MPPED1: variants seen among roughly 807,000 people sequenced by gnomAD.
MPPED1 encodes metallophosphoesterase domain-containing protein 1.
A neutral mutation model predicts 36.2 loss-of-function variants in MPPED1; 16 were observed. The ratio of observed to expected loss-of-function variants is 0.44; its 90% confidence interval spans 0.30 to 0.67. The LOEUF (loss-of-function observed/expected upper bound fraction) is 0.67. Among genes scored for constraint, MPPED1 ranks in the 30% least tolerant of loss-of-function variants. MPPED1 has a pLI of 0.10. For synonymous variants in MPPED1, 199 were observed against 191.3 expected, an observed-to-expected ratio of 1.04 and a Z score of -0.33; for missense variants, 307 against 453.4, an observed-to-expected ratio of 0.68 and a Z score of 2.93.
At chr22:43,453,174 T>G (rs1930634231) in intron 3 of MPPED1, among the ~76,000 whole-genome samples, 1 of 152,026 alleles carries the variant, frequency 6.6e-6, no homozygotes, top group Admixed American at 6.6e-5. Context: ...ATGGTCTCGA[T>G]CTCCTGACCT....
chr22:43,445,686 A>T (rs571049399), intron 3 of MPPED1, among the ~76,000 whole-genome samples: 17 of 141,472 alleles, frequency 1.2e-4, no homozygotes, highest in Non-Finnish European at 2.3e-4. Flanking sequence ...TTAGTCCCCC[A>T]CCTCACCCCG....
chr22:43,481,594 A>G (rs1348115832), intron 4 of MPPED1, among the ~76,000 whole-genome samples: 1 of 152,200 alleles, frequency 6.6e-6, no homozygotes, highest in Admixed American at 6.5e-5. Flanking sequence ...GTTAAAATCC[A>G]GGCCAGGTTT....
At chr22:43,488,917 C>T (rs1931999812) in intron 4 of MPPED1, among the ~76,000 whole-genome samples, 1 of 152,240 alleles carries the variant, frequency 6.6e-6, no homozygotes, top group African/African-American at 2.4e-5. Flanking sequence ...AGGTTGGGTC[C>T]AGGCACTGGG....
chr22:43,463,824 TTTCTTTCTTTCTTTC>T (rs1931050743), intron 3 of MPPED1, among the ~76,000 whole-genome samples: 1 of 104,472 alleles, frequency 9.6e-6, no homozygotes, highest in African/African-American at 3.4e-5. Context: ...TCTTTCTTTC[TTTCTTTCTTTCTTTC>T]TTTCTTTCTT....
At chr22:43,440,833 C>A (rs991855550) in intron 3 of MPPED1, among the ~76,000 whole-genome samples, 1 of 152,158 alleles carries the variant, frequency 6.6e-6, no homozygotes, top group East Asian at 1.9e-4. Flanking sequence ...CTCAGCTCTG[C>A]GGCGCCTGAT....
chr22:43,428,564 A>T (rs1929564478), intron 2 of MPPED1, among the ~76,000 whole-genome samples: 1 of 152,112 alleles, frequency 6.6e-6, no homozygotes, highest in African/African-American at 2.4e-5. Context: ...ACTTCCCGAC[A>T]TGTGATTTGT....
Position 43,502,796 on chromosome 22 carries a change from G to T in MPPED1, c.862+39G>T, listed in dbSNP as rs541825712. 19 of 1,539,824 alleles carry T rather than the reference G, an allele frequency of 1.2e-5. No individual in the cohort carries two copies. The African/African-American group carries it at 2.0e-4, about 17-fold the overall frequency. ...GGAGACAGGCACCTCACGGGCTAGG[G>T]GCTCCTAATGGACCCTCCAGCAGGA... On this transcript the variant is annotated intron_variant, in intron 6 of 6. Transcript: ENST00000443721. This position sits in a 1 kb window ranked among gnomAD's most constrained non-coding sequence, Gnocchi z 5.5.
intron 1 of MPPED1, among the ~76,000 whole-genome samples, chr22:43,421,094 G>A (rs898065299): frequency 1.3e-5 from 2 of 152,222 alleles, no homozygotes; most frequent in African/African-American, 4.8e-5. Context: ...TCCCTGCGGC[G>A]GGTCCCGGGG....
chr22:43,417,408 C>T (rs927599758), intron 1 of MPPED1, among the ~76,000 whole-genome samples: 5 of 149,766 alleles, frequency 3.3e-5, no homozygotes, highest in Non-Finnish European at 7.4e-5. Flanking sequence ...TTTTTTTCTC[C>T]CATTGGGGTA....
At chr22:43,503,054 T>C (rs1283435349) in intron 6 of MPPED1, among the ~76,000 whole-genome samples, 2 of 151,958 alleles carry the variant, frequency 1.3e-5, no homozygotes, top group Non-Finnish European at 2.9e-5. Flanking sequence ...GGCAGGGGGT[T>C]TTCAGAGGAA....
intron 5 of MPPED1, among the ~76,000 whole-genome samples, chr22:43,499,707 A>G (rs934230140): frequency 1.7e-3 from 90 of 52,858 alleles, no homozygotes; most frequent in Non-Finnish European, 2.4e-3. Flanking sequence ...GGAGGTGATG[A>G]TGGTGGTGGT....
At chr22:43,449,126 G>A (rs952558073) in intron 3 of MPPED1, among the ~76,000 whole-genome samples, 2 of 152,110 alleles carry the variant, frequency 1.3e-5, no homozygotes, top group African/African-American at 4.8e-5. Context: ...TACATCCTAC[G>A]TTTCATATTC....
Position 43,435,169 on chromosome 22 carries a change from T to C in MPPED1, c.360T>C (p.Thr120=). The change falls in exon 3 of 7, where the codon ACT becomes ACC. Residue 120 remains threonine, a synonymous_variant. Transcript: ENST00000443721. ...GDVLIHAGDF[T]ELGLPSEVKK... Reference sequence around the variant, plus strand: ...TGCTGATCCACGCTGGGGACTTCACTGAGCTGGGGCTCCCGAGCGAGGTGA... The same window carrying C: ...TGCTGATCCACGCTGGGGACTTCACCGAGCTGGGGCTCCCGAGCGAGGTGA... 1 of 1,612,980 alleles carries C rather than the reference T, an allele frequency of 6.2e-7. No homozygotes were observed. The highest frequency in any genetic ancestry group is 1.3e-5 in the African/African-American group (1 of 75,064).
chr22:43,467,279 A>G (rs1931206026), intron 3 of MPPED1, among the ~76,000 whole-genome samples: 1 of 152,226 alleles, frequency 6.6e-6, no homozygotes, highest in Admixed American at 6.5e-5. Flanking sequence ...CATTGAATGC[A>G]TGATGCTGGT....
chr22:43,442,957 C>T (rs1352626027), intron 3 of MPPED1, among the ~76,000 whole-genome samples: 2 of 152,122 alleles, frequency 1.3e-5, no homozygotes, highest in African/African-American at 2.4e-5. Flanking sequence ...GTCAACACAG[C>T]GTGAGGGGCT....
intron 3 of MPPED1, among the ~76,000 whole-genome samples, chr22:43,470,423 TCATC>T (rs1341745466): frequency 6.6e-6 from 1 of 151,576 alleles, no homozygotes; most frequent in Non-Finnish European, 1.5e-5. Flanking sequence ...AGCCATCCAT[TCATC>T]CATCCGTCCA....
intron 4 of MPPED1, among the ~76,000 whole-genome samples, chr22:43,495,226 G>T (rs1336615442): frequency 6.7e-6 from 1 of 149,766 alleles, no homozygotes; most frequent in East Asian, 2.0e-4. Flanking sequence ...AGGTGGTGGT[G>T]GTGGTGGAGG....
At position 43,431,737 on chromosome 22, in the gene MPPED1, C is replaced by T. The variant is rs187621958; in HGVS notation, c.225-3297C>T. On this transcript the variant is annotated intron_variant, in intron 2 of 6. Transcript: ENST00000443721. ...AGAGAGCCACTGCCTGTAACGTGCC[C>T]AGCACATAATGAGCTCTTGATGCGT... 3.2e-4 allele frequency among the ~76,000 whole-genome samples: 49 copies of T among 152,334 alleles called. No individual in the cohort carries two copies. In the East Asian group the frequency reaches 6.9e-3, roughly 22 times the overall value.
At chr22:43,442,502 G>A (rs1010087237) in intron 3 of MPPED1, among the ~76,000 whole-genome samples, 7 of 152,174 alleles carry the variant, frequency 4.6e-5, no homozygotes, top group East Asian at 1.9e-4. Context: ...CTGGGCACCC[G>A]CCCCTGTGCG....
Sources: gnomAD v4.1 joint callset for allele counts (sites outside exome capture counted in the v4.1 genomes callset) on GRCh38, gnomAD v4.1.1 for gene constraint, Gnocchi (gnomAD v3.1) non-coding constraint, MANE v1.5 for transcripts, NCBI Gene and HGNC (gene_info 2026-07-23, HGNC 2026-07-21) for gene names.